The following NEDD9 variants were observed in gnomAD, a reference collection of about 807,000 sequenced individuals.
The protein encoded by NEDD9 is neural precursor cell expressed, developmentally down-regulated 9.
In NEDD9, 26 loss-of-function variants were observed where a neutral mutation model predicts 76.6. The ratio of observed to expected loss-of-function variants is 0.34; its 90% CI spans 0.25 to 0.47. The LOEUF is 0.47. Among genes scored for constraint, NEDD9 ranks in the 20% least tolerant of loss-of-function variants. The pLI is 1.00. For missense variants in NEDD9, 937 were observed against 1,058.5 expected (o/e 0.89, Z 1.59); for synonymous variants, 392 against 414.2 (o/e 0.95, Z 0.65).
chr6:11,299,124 A>G (rs1029364965), intron 3 of NEDD9, among the ~76,000 whole-genome samples: 9 of 152,182 alleles, frequency 5.9e-5, no homozygotes, highest in African/African-American at 2.2e-4. Flanking sequence ...GAGAAACAGT[A>G]CACTCCTGAC....
intron 1 of NEDD9, among the ~76,000 whole-genome samples, chr6:11,220,318 C>G (rs562489435): frequency 6.6e-6 from 1 of 152,304 alleles, no homozygotes; most frequent in East Asian, 1.9e-4. Context: ...CTTGGACCCC[C>G]CCGCCGAATC....
intron 2 of NEDD9, among the ~76,000 whole-genome samples, chr6:11,311,856 C>T (rs1200725823): frequency 6.6e-6 from 1 of 152,198 alleles, no homozygotes; most frequent in Non-Finnish European, 1.5e-5. Flanking sequence ...GGGCTCTTCC[C>T]AACATCCCTT....
intron 1 of NEDD9, among the ~76,000 whole-genome samples, chr6:11,344,457 G>T (rs1325090739): frequency 6.6e-6 from 1 of 152,218 alleles, no homozygotes; most frequent in African/African-American, 2.4e-5. Context: ...CTCTTCCAAA[G>T]AAAAGATCAA....
chr6:11,186,330 A>G (rs1276316279), intron 6 of NEDD9, among the ~76,000 whole-genome samples: 2 of 152,194 alleles, frequency 1.3e-5, no homozygotes, highest in Admixed American at 6.5e-5. Context: ...AGTCCCCCAG[A>G]GCTGTTAAAA....
chr6:11,378,665 A>T (rs1177960752), intron 1 of NEDD9, among the ~76,000 whole-genome samples: 4 of 152,228 alleles, frequency 2.6e-5, no homozygotes, highest in African/African-American at 9.6e-5. Flanking sequence ...ATATTTAAAA[A>T]TTTTTTCAAG....
chr6:11,346,158 T>A (rs1429872129), intron 1 of NEDD9, among the ~76,000 whole-genome samples: 1 of 152,234 alleles, frequency 6.6e-6, no homozygotes, highest in African/African-American at 2.4e-5. Context: ...TCTTGTCTAT[T>A]TTCTCCAGCA....
chr6:11,268,878 T>G (rs2113338413), intron 3 of NEDD9, among the ~76,000 whole-genome samples: 1 of 152,256 alleles, frequency 6.6e-6, no homozygotes, highest in Non-Finnish European at 1.5e-5. Context: ...GGTATTTAAA[T>G]CAGCTTGAAA....
At chr6:11,365,241 GA>G in intron 1 of NEDD9, among the ~76,000 whole-genome samples, 1 of 152,172 alleles carries the variant, frequency 6.6e-6, no homozygotes, top group East Asian at 1.9e-4. Context: ...TTCCATTGAG[GA>G]AACCAAGTGA....
chr6:11,243,748 T>C (rs1459810185), intron 3 of NEDD9, among the ~76,000 whole-genome samples: 1 of 152,194 alleles, frequency 6.6e-6, no homozygotes, highest in Non-Finnish European at 1.5e-5. Flanking sequence ...CCTTGTGTAT[T>C]TTCTCCCTTA....
chr6:11,288,894 T>C (rs1176047635), intron 3 of NEDD9, among the ~76,000 whole-genome samples: 1 of 152,268 alleles, frequency 6.6e-6, no homozygotes, highest in African/African-American at 2.4e-5. Flanking sequence ...GATGTTTTCT[T>C]GGTTTACTTC....
intron 1 of NEDD9, among the ~76,000 whole-genome samples, chr6:11,361,826 G>A (rs539806536): frequency 6.6e-6 from 1 of 152,166 alleles, no homozygotes; most frequent in Non-Finnish European, 1.5e-5. Context: ...GGAGTTTGTA[G>A]GAGGGAGAAA....
At chr6:11,332,109 T>A (rs773300174) in intron 2 of NEDD9, among the ~76,000 whole-genome samples, 1 of 152,236 alleles carries the variant, frequency 6.6e-6, no homozygotes, top group Non-Finnish European at 1.5e-5. Flanking sequence ...TTGGTAACAG[T>A]GAGCATCATT....
intron 1 of NEDD9, among the ~76,000 whole-genome samples, chr6:11,335,562 C>T (rs1354303754): frequency 1.3e-5 from 2 of 152,212 alleles, no homozygotes; most frequent in Admixed American, 1.3e-4. Context: ...TTTTGCCTCA[C>T]CCACCATATT....
intron 1 of NEDD9, among the ~76,000 whole-genome samples, chr6:11,381,885 C>G (rs907828681): frequency 6.6e-6 from 1 of 152,208 alleles, no homozygotes; most frequent in African/African-American, 2.4e-5. Context: ...CACCAGGAAG[C>G]ATCTACCCAG....
rs553108985 is a variant in NEDD9 at position 11,198,037 on chromosome 6, G to A, written c.460-4345C>T. ...TCCTATACTCAGATGCTCACGGACC[G>A]AGCAAGCAGGGTGTAGGGAAGAAAC... On this transcript the variant is annotated intron_variant, in intron 2 of 6. Transcript: ENST00000379446. This position sits in a 1 kb window ranked among gnomAD's most constrained non-coding sequence, Gnocchi z 4.7. Among the ~76,000 whole-genome samples, 102 of 152,170 alleles carry A rather than the reference G, an allele frequency of 6.7e-4. No individual in the cohort carries two copies. The highest frequency in any genetic ancestry group is 2.2e-3 in the African/African-American group (93 of 41,518).
At chr6:11,356,642 G>A (rs1287480464) in intron 1 of NEDD9, among the ~76,000 whole-genome samples, 2 of 152,112 alleles carry the variant, frequency 1.3e-5, no homozygotes, top group African/African-American at 4.8e-5. Flanking sequence ...GTGGGCATCT[G>A]CCACCTTCAG....
chr6:11,311,224 G>A (rs568743355), intron 2 of NEDD9, among the ~76,000 whole-genome samples: 137 of 152,222 alleles, frequency 9.0e-4, no homozygotes, highest in African/African-American at 3.2e-3. Flanking sequence ...CTCAGAATGG[G>A]ACCTTATTTG....
chr6:11,277,410 G>T (rs77312765), intron 3 of NEDD9, among the ~76,000 whole-genome samples: 10,876 of 152,220 alleles, frequency 0.071, 407 homozygotes, highest in Middle Eastern at 0.14. Flanking sequence ...GTTTGGGGGT[G>T]GGGAAGTGGT....
chr6:11,208,860 G>A (rs970869670), intron 2 of NEDD9, among the ~76,000 whole-genome samples: 2 of 152,110 alleles, frequency 1.3e-5, no homozygotes, highest in African/African-American at 4.8e-5. Flanking sequence ...ATCTTTTTAG[G>A]CTTTTGGTTT....
Sources: gnomAD v4.1 joint callset for allele counts (sites outside exome capture counted in the v4.1 genomes callset) on GRCh38, gnomAD v4.1.1 for gene constraint, Gnocchi (gnomAD v3.1) non-coding constraint, MANE v1.5 for transcripts, NCBI Gene and HGNC (gene_info 2026-07-23, HGNC 2026-07-21) for gene names.